Variants in SP140 observed in about 807,000 individuals in gnomAD.
SP140 encodes SP140 nuclear body protein.
Under a neutral mutation model 125.0 loss-of-function variants are expected in SP140, and 81 were observed. The observed-to-expected ratio is 0.65, with a 90% CI of 0.54 to 0.78. The LOEUF is 0.78. SP140 is among the 30% of genes least tolerant of loss of function. SP140 has a pLI of 0.00. For synonymous variants in SP140, 312 were observed against 354.0 expected (o/e 0.88, Z 1.33); for missense variants, 858 against 1,037.0 (o/e 0.83, Z 2.37).
At chr2:230,187,052 CT>C in the SP140 span, among the ~76,000 whole-genome samples, 1 of 152,060 alleles carries the variant, frequency 6.6e-6, no homozygotes, top group African/African-American at 2.4e-5. Context: ...GGTAGATCTA[CT>C]TTTAGTTATT....
At chr2:230,191,423 A>C in the SP140 span, among the ~76,000 whole-genome samples, 3 of 152,338 alleles carry the variant, frequency 2.0e-5, no homozygotes, top group East Asian at 5.8e-4. Flanking sequence ...AGAATCAAAT[A>C]GACAGAATAA....
chr2:230,216,664 A>C, intron 3 of SP140: 6 of 1,221,562 alleles, frequency 4.9e-6, no homozygotes, highest in Non-Finnish European at 6.0e-6. Context: ...GATAATGAAC[A>C]TGCCTGGGCT....
At chr2:230,201,016 A>G (rs2043130458), upstream of SP140, 2 of 1,421,344 alleles carry the variant, frequency 1.4e-6, no homozygotes, top group South Asian at 2.3e-5. Flanking sequence ...ACCATGGAGA[A>G]TCTCCCAGAG....
Position 230,257,900 on chromosome 2 carries a change from C to T in SP140, c.1240+2368C>T, listed in dbSNP as rs189658574. Reference sequence around the variant, plus strand: ...AGAACGTTTGTGGAAGTGTGGATCTCGGTGACTGGCGGCCTTCAAAAGTGA... The same window carrying T: ...AGAACGTTTGTGGAAGTGTGGATCTTGGTGACTGGCGGCCTTCAAAAGTGA... On this transcript the variant is annotated intron_variant, in intron 12 of 26. Coordinates refer to ENST00000392045, the MANE Select transcript of SP140 (RefSeq NM_007237.5). Among the ~76,000 whole-genome samples the T allele has an allele frequency of 1.1e-4, 17 of 151,952 alleles. No individual in the cohort carries two copies. The East Asian group carries it at 2.1e-3, about 19-fold the overall frequency.
At chr2:230,251,990 G>A (rs2050447119) in intron 10 of SP140, among the ~76,000 whole-genome samples, 2 of 151,982 alleles carry the variant, frequency 1.3e-5, no homozygotes, top group Admixed American at 1.3e-4. Flanking sequence ...GGTTAGGGTG[G>A]GGTCCCATAG....
intron 3 of SP140, chr2:230,214,249 G>C (rs959216659): frequency 3.3e-5 from 5 of 151,978 alleles, no homozygotes; most frequent in Admixed American, 6.6e-5. Context: ...TTCTTTCTCA[G>C]ACCCTCTCTT....
At chr2:230,289,262 T>G (rs1026744615) in intron 18 of SP140, among the ~76,000 whole-genome samples, 2 of 152,272 alleles carry the variant, frequency 1.3e-5, no homozygotes, top group African/African-American at 4.8e-5. Context: ...GATAAGTGTC[T>G]TCTTTTAAGA....
At chr2:230,254,079 G>A (rs2050780826) in intron 11 of SP140, among the ~76,000 whole-genome samples, 1 of 152,150 alleles carries the variant, frequency 6.6e-6, no homozygotes, top group African/African-American at 2.4e-5. Flanking sequence ...ATCTCGATAA[G>A]AAATAAGAGG....
Position 230,287,942 on chromosome 2 carries a change from G to C in SP140, c.1696G>C (p.Ala566Pro), listed in dbSNP as rs1479938920. ...GTRFTQSDRA[A>P]QKRVRSRASR... ...CCGCTTCACTCAGAGTGACAGAGCT[G>C]CACAGAAAAGAGTCCGATCAAGAGG... Residue 566 changes from alanine (A) to proline (P), a missense_variant, in exon 18 of 27, where the codon GCA (alanine) becomes CCA (proline). Ala to Pro is a conservative substitution (Grantham distance 27). Around this residue, in one of 4 missense-constraint regions of SP140, gnomAD observed 791 missense variants for 869.5 expected, o/e 0.91. Coordinates refer to ENST00000392045, the MANE Select transcript of SP140 (RefSeq NM_007237.5). 2 of 1,611,950 alleles carry C rather than the reference G, an allele frequency of 1.2e-6. No individual in the cohort carries two copies. Among genetic ancestry groups the C allele is most frequent in the East Asian group, 2.2e-5 (1 of 44,892 alleles).
chr2:230,239,608 G>C (rs141812213), intron 3 of SP140, among the ~76,000 whole-genome samples: 2 of 152,028 alleles, frequency 1.3e-5, no homozygotes. Flanking sequence ...CACCACACCC[G>C]GTTAATTCTT....
chr2:230,211,319 T>C lies in SP140; in HGVS notation c.-322-2335T>C. 1.4e-6 allele frequency: 1 copy of C among 695,212 alleles called. No homozygotes were observed. The highest frequency in any genetic ancestry group is 2.6e-6 in the Non-Finnish European group (1 of 380,410). The allele number at this position is 695,212 out of a possible 1,614,324, so 43.1% of individuals were successfully genotyped here. A position where few individuals can be genotyped will look rare whatever the true frequency, so the allele number is the denominator to read the frequency against. ...TTCAGAGGTCGGGTCTCCTGCCTGT[T>C]CAAGCTCCCAAGTGCTGGGTGAACT... is the stretch of plus-strand genomic sequence containing the variant. On this transcript the variant is annotated intron_variant, in intron 1 of 4. Coordinates refer to the SP140 transcript ENST00000456542. This position sits in a 1 kb window ranked among gnomAD's most constrained non-coding sequence, Gnocchi z 4.2.
chr2:230,280,269 A>G (rs2055347489), intron 15 of SP140, among the ~76,000 whole-genome samples: 2 of 152,160 alleles, frequency 1.3e-5, no homozygotes, highest in Admixed American at 6.5e-5. Flanking sequence ...ATTCTGCTTT[A>G]TCCCTGTTAA....
chr2:230,316,212 G>A (rs570131712), downstream of SP140, among the ~76,000 whole-genome samples: 3 of 152,322 alleles, frequency 2.0e-5, no homozygotes, highest in South Asian at 2.1e-4. Flanking sequence ...CACAAACACT[G>A]CAGGTGGTGG....
At chr2:230,295,220 C>T (rs968229018) in intron 21 of SP140, among the ~76,000 whole-genome samples, 14 of 152,210 alleles carry the variant, frequency 9.2e-5, no homozygotes, top group Admixed American at 8.5e-4. Context: ...GGTAGAAATA[C>T]GCATTCAAGA....
chr2:230,299,102 C>G (rs1412844580), intron 22 of SP140, among the ~76,000 whole-genome samples: 1 of 152,202 alleles, frequency 6.6e-6, no homozygotes, highest in African/African-American at 2.4e-5. Flanking sequence ...CTTGCTCCTC[C>G]TACTCAGATG....
At position 230,253,246 on chromosome 2, in the gene SP140, G is replaced by T. The variant is rs565936968; in HGVS notation, c.1058-70G>T. 4.1e-4 allele frequency: 458 copies of T among 1,122,944 alleles called. 5 individuals carry two copies. In the African/African-American group the frequency reaches 6.2e-3, roughly 15 times the overall value. 69.6% of individuals were successfully genotyped at this position (1,122,944 alleles called of 1,614,324 possible). A position where few individuals can be genotyped will look rare whatever the true frequency, so the allele number is the denominator to read the frequency against. ...CGGAACAAGACAGGGGTGGCTCTTA[G>T]CATTTTCCCATCTTGGATGGCGTGA... On this transcript the variant is annotated intron_variant, in intron 10 of 26. Coordinates refer to ENST00000392045, the MANE Select transcript of SP140 (RefSeq NM_007237.5).
chr2:230,238,886 CAGAAAAGGGGG>C, intron 3 of SP140: 1 of 1,551,420 alleles, frequency 6.4e-7, no homozygotes, highest in East Asian at 2.4e-5. Context: ...GCTATGAAGA[CAGAAAAGGGGG>C]TTGGTGGGGG....
At chr2:230,297,226 CA>C in intron 21 of SP140, among the ~76,000 whole-genome samples, 194 bp from the exon 22 acceptor site, 1 of 152,306 alleles carries the variant, frequency 6.6e-6, no homozygotes, top group East Asian at 1.9e-4. Flanking sequence ...TTACTGTTTA[CA>C]TCAGGTTTCA....
intron 12 of SP140, among the ~76,000 whole-genome samples, chr2:230,265,100 G>C (rs547231867): frequency 1.3e-5 from 2 of 152,162 alleles, no homozygotes; most frequent in South Asian, 2.1e-4. Flanking sequence ...GGAGGGGCTA[G>C]GCATGTCTGA....
Sources: gnomAD v4.1 joint callset for allele counts (sites outside exome capture counted in the v4.1 genomes callset) on GRCh38, gnomAD v4.1.1 for gene constraint, gnomAD v4.1.1 regional missense constraint, Gnocchi (gnomAD v3.1) non-coding constraint, MANE v1.5 for transcripts, NCBI Gene and HGNC (gene_info 2026-07-23, HGNC 2026-07-21) for gene names.